Variants in CWC27 observed in about 807,000 individuals in gnomAD.
CWC27 encodes spliceosome-associated protein CWC27 homolog.
CWC27 carries 47 observed loss-of-function variants against 63.6 expected under a neutral mutation model. That is an observed-to-expected ratio of 0.74 (90% CI 0.58 to 0.94). CWC27 has a LOEUF of 0.94. Among genes scored for constraint, CWC27 ranks in the 40% least tolerant of loss-of-function variants. The pLI, the probability that CWC27 is intolerant of heterozygous loss-of-function variation, is 0.00. For synonymous variants in CWC27, 175 were observed against 179.8 expected (o/e 0.97, Z 0.22); for missense variants, 495 against 554.3 (o/e 0.89, Z 1.07).
intron 12 of CWC27, among the ~76,000 whole-genome samples, chr5:64,975,239 T>C (rs1749206529): frequency 6.6e-6 from 1 of 152,232 alleles, no homozygotes; most frequent in Admixed American, 6.5e-5. Flanking sequence ...TTTATTAAGC[T>C]TGAGTTCTAG....
intron 7 of CWC27, among the ~76,000 whole-genome samples, chr5:64,798,751 CTCTGTG>C (rs1744369240): frequency 6.6e-6 from 1 of 152,132 alleles, no homozygotes; most frequent in Non-Finnish European, 1.5e-5. Flanking sequence ...GTTTTCATCT[CTCTGTG>C]TCTGTGTCTG....
intron 11 of CWC27, among the ~76,000 whole-genome samples, chr5:64,944,603 G>A (rs1748551152): frequency 6.6e-6 from 1 of 152,078 alleles, no homozygotes; most frequent in Non-Finnish European, 1.5e-5. Context: ...TGCTCCTCCT[G>A]AAATCATCCC....
chr5:64,887,784 AAATT>A (rs1416272881), intron 11 of CWC27, among the ~76,000 whole-genome samples: 6 of 152,166 alleles, frequency 3.9e-5, no homozygotes, highest in Non-Finnish European at 8.8e-5. Context: ...TTTTCATAAT[AAATT>A]CATAGTCAAT....
At chr5:64,816,609 C>T (rs866506838) in intron 10 of CWC27, among the ~76,000 whole-genome samples, 2 of 152,096 alleles carry the variant, frequency 1.3e-5, no homozygotes, top group Non-Finnish European at 2.9e-5. Flanking sequence ...TTGAAGACTT[C>T]GTGGAACCAT....
chr5:64,916,249 T>C (rs1399541427), intron 11 of CWC27, among the ~76,000 whole-genome samples: 2 of 152,212 alleles, frequency 1.3e-5, no homozygotes, highest in Non-Finnish European at 2.9e-5. Flanking sequence ...AGAGAATGTT[T>C]TACTTTCTTT....
intron 11 of CWC27, among the ~76,000 whole-genome samples, chr5:64,951,182 C>T (rs1748701091): frequency 1.3e-5 from 2 of 151,866 alleles, no homozygotes; most frequent in Admixed American, 1.3e-4. Context: ...TCACTTTGCA[C>T]TCCCTCTGGC....
chr5:64,799,027 G>A (rs1161337826), intron 7 of CWC27, among the ~76,000 whole-genome samples: 1 of 152,164 alleles, frequency 6.6e-6, no homozygotes, highest in Admixed American at 6.5e-5. Flanking sequence ...AACCAGGCCG[G>A]TATTCTGGGC....
chr5:64,868,392 A>C (rs993702564), intron 10 of CWC27, among the ~76,000 whole-genome samples: 5 of 152,094 alleles, frequency 3.3e-5, no homozygotes, highest in African/African-American at 1.2e-4. Context: ...TTGAAGTTTG[A>C]TCAAATGTAA....
chr5:64,885,459 G>T lies in CWC27; in HGVS notation c.955G>T (p.Glu319Ter). The T allele has an allele frequency of 6.2e-7, 1 of 1,607,392 alleles. No homozygotes were observed. The highest frequency in any genetic ancestry group is 8.5e-7 in the Non-Finnish European group (1 of 1,176,932). The change falls in exon 11 of 14, where the codon GAA becomes TAA. Residue 319 changes from glutamate to a stop codon, truncating the protein, a stop_gained. Transcript: ENST00000381070. LOFTEE classifies it high-confidence loss of function. The part of the protein sequence containing the change: ...SVSRSEELRK[E>*]ARQLKRELLA... ...GCTTTATAGTGAAGAGCTCAGAAAA[G>T]AAGCAAGACAATTAAAACGGGAACT... is the stretch of plus-strand genomic sequence containing the variant.
intron 11 of CWC27, among the ~76,000 whole-genome samples, chr5:64,890,144 C>T (rs543323945): frequency 1.3e-5 from 2 of 152,238 alleles, no homozygotes; most frequent in East Asian, 3.9e-4. Flanking sequence ...GCAGACAATT[C>T]CTGCTCTATG....
At chr5:64,927,174 T>G (rs188926499) in intron 11 of CWC27, among the ~76,000 whole-genome samples, 2 of 152,272 alleles carry the variant, frequency 1.3e-5, no homozygotes, top group East Asian at 3.9e-4. Context: ...TTCAGAACAG[T>G]TACATCATTT....
At chr5:64,807,660 T>C (rs1286057093) in intron 10 of CWC27, 2 of 1,535,930 alleles carry the variant, frequency 1.3e-6, no homozygotes, top group Non-Finnish European at 8.7e-7. Flanking sequence ...CACACAGGCA[T>C]ATACAAGCTG....
At chr5:64,777,817 A>G (rs1026325197) in intron 2 of CWC27, among the ~76,000 whole-genome samples, 6 of 152,152 alleles carry the variant, frequency 3.9e-5, no homozygotes, top group African/African-American at 1.4e-4. Context: ...CTATAAATGC[A>G]TAGTTCAATA....
At chr5:65,002,859 G>A (rs1279146328) in intron 13 of CWC27, among the ~76,000 whole-genome samples, 1 of 152,126 alleles carries the variant, frequency 6.6e-6, no homozygotes, top group Non-Finnish European at 1.5e-5. Flanking sequence ...CTGTCTAGAT[G>A]ATCTCTCCAA....
At chr5:64,784,146 T>C (rs1265825846) in intron 4 of CWC27, among the ~76,000 whole-genome samples, 167 bp downstream of exon 4, 1 of 152,234 alleles carries the variant, frequency 6.6e-6, no homozygotes, top group Non-Finnish European at 1.5e-5. Flanking sequence ...CCTAATATAG[T>C]GCACTATGAG....
intron 11 of CWC27, among the ~76,000 whole-genome samples, chr5:64,957,191 C>T (rs1748817555): frequency 6.6e-6 from 1 of 152,180 alleles, no homozygotes; most frequent in African/African-American, 2.4e-5. Flanking sequence ...CACAGATATT[C>T]TGCAATGCTT....
chr5:65,005,127 C>T (rs141737884), intron 13 of CWC27, among the ~76,000 whole-genome samples: 14 of 151,780 alleles, frequency 9.2e-5, no homozygotes, highest in African/African-American at 3.4e-4. Flanking sequence ...TCCATGGGTA[C>T]CAGTACTGGC....
intron 13 of CWC27, among the ~76,000 whole-genome samples, chr5:65,012,269 G>C (rs1269772599): frequency 6.6e-6 from 1 of 152,148 alleles, no homozygotes; most frequent in Non-Finnish European, 1.5e-5. Flanking sequence ...AAAGTATCTG[G>C]TCAAGAAGTT....
chr5:64,919,419 T>C (rs1446772745), intron 11 of CWC27, among the ~76,000 whole-genome samples: 1 of 152,184 alleles, frequency 6.6e-6, no homozygotes, highest in African/African-American at 2.4e-5. Context: ...GTAAATTGGG[T>C]GTCATTGAGG....
Sources: allele counts gnomAD v4.1 joint callset (sites outside exome capture counted in the v4.1 genomes callset), GRCh38; gene constraint gnomAD v4.1.1; transcripts MANE v1.5; gene names NCBI Gene and HGNC (gene_info 2026-07-23, HGNC 2026-07-21).